PCLO: variants seen among roughly 807,000 people sequenced by gnomAD.
PCLO encodes protein piccolo.
Under a neutral mutation model 427.5 loss-of-function variants are expected in PCLO, and 82 were observed. The ratio of observed to expected loss-of-function variants is 0.19; its 90% CI spans 0.16 to 0.23. The LOEUF is 0.23. PCLO is among the 10% of genes least tolerant of loss of function. The probability of loss-of-function intolerance (pLI) is 1.00; values close to 1 mark genes in which losing one functional copy is unlikely to be tolerated. For missense variants in PCLO, 6,239 were observed against 6,115.9 expected, an observed-to-expected ratio of 1.02 and a Z score of -0.67; for synonymous variants, 2,357 against 2,155.4, an observed-to-expected ratio of 1.09 and a Z score of -2.59.
intron 22 of PCLO, among the ~76,000 whole-genome samples, chr7:82,769,136 A>C (rs2129467794): frequency 6.6e-6 from 1 of 152,292 alleles, no homozygotes; most frequent in Non-Finnish European, 1.5e-5. Context: ...CTTCATGGGA[A>C]TATTCGCTTT....
At chr7:82,788,830 A>G (rs1032960148) in intron 22 of PCLO, among the ~76,000 whole-genome samples, 2 of 151,580 alleles carry the variant, frequency 1.3e-5, no homozygotes, top group African/African-American at 4.9e-5. Context: ...CCATGTTATC[A>G]TGTTTGCCGT....
At chr7:83,063,900 T>G (rs1487317850) in intron 3 of PCLO, among the ~76,000 whole-genome samples, 1 of 152,222 alleles carries the variant, frequency 6.6e-6, no homozygotes, top group Non-Finnish European at 1.5e-5. Context: ...TTTGCACTGA[T>G]AAATATCCTC....
In PCLO at chr7:83,155,439, G is replaced by C; in HGVS notation, c.1202C>G (p.Pro401Arg). Residue 401 changes from proline (P) to arginine (R), a missense_variant, in exon 2 of 25, where the codon CCA becomes CGA. Pro to Arg is a moderately radical substitution (Grantham distance 103). Around this residue, in one of 5 missense-constraint regions of PCLO, gnomAD observed 4,677 missense variants for 4,468.4 expected, o/e 1.05. Transcript: ENST00000333891. The stretch of plus-strand genomic sequence containing the variant: ...CTTTGCTGGCCCTGGCTGTTGAGCT[G>C]GAGTCTTTCCAACTCCAGGAGGCTG... ...LAQPPGVGKT[P>R]AQQPGPAKPP... is the part of the protein sequence containing the mutation. The C allele has an allele frequency of 6.2e-7, 1 of 1,612,764 alleles. No homozygotes were observed. Among genetic ancestry groups the C allele is most frequent in the Non-Finnish European group, 8.5e-7 (1 of 1,179,542 alleles).
chr7:82,941,561 C>A (rs1287605208), intron 6 of PCLO, among the ~76,000 whole-genome samples: 2 of 152,094 alleles, frequency 1.3e-5, no homozygotes, highest in Non-Finnish European at 2.9e-5. Context: ...ATAATGCTTA[C>A]AGAAAACAAG....
intron 3 of PCLO, among the ~76,000 whole-genome samples, chr7:83,049,376 T>C (rs1789179874): frequency 6.6e-6 from 1 of 152,152 alleles, no homozygotes; most frequent in African/African-American, 2.4e-5. Context: ...ATGGCCAATA[T>C]GTTGAGAAAC....
chr7:82,822,084 T>C (rs934685230), intron 20 of PCLO: 9 of 1,021,218 alleles, frequency 8.8e-6, no homozygotes, highest in Non-Finnish European at 1.1e-5. Flanking sequence ...TCTAAATACT[T>C]ATATGTGTGC....
In PCLO at chr7:82,756,027, C is replaced by T. The variant is rs958132239; in HGVS notation, c.*2548G>A. 3.9e-5 allele frequency: 6 copies of T among 152,122 alleles called. No homozygotes were observed. Among genetic ancestry groups the T allele is most frequent in the African/African-American group, 7.2e-5 (3 of 41,438 alleles). 9.4% of individuals were successfully genotyped at this position (152,122 alleles called of 1,614,324 possible). A position where few individuals can be genotyped will look rare whatever the true frequency, so the allele number is the denominator to read the frequency against. Reference sequence around the variant, plus strand: ...GGCTTCTATAATGGAAAGACTCCTACGCTTTCAGGTTAAATAGCTACCAAA... The same window carrying T: ...GGCTTCTATAATGGAAAGACTCCTATGCTTTCAGGTTAAATAGCTACCAAA... On this transcript the variant is annotated 3_prime_UTR_variant, in exon 25 of 25. Coordinates refer to ENST00000333891, the MANE Select transcript of PCLO (RefSeq NM_033026.6).
chr7:82,794,714 T>A (rs1791190074), intron 22 of PCLO, among the ~76,000 whole-genome samples: 1 of 151,764 alleles, frequency 6.6e-6, no homozygotes, highest in Non-Finnish European at 1.5e-5. Context: ...GTTGAAGCAA[T>A]CTGTTCTCCT....
At chr7:82,895,899 G>A (rs1201918322) in intron 9 of PCLO, among the ~76,000 whole-genome samples, 5 of 151,752 alleles carry the variant, frequency 3.3e-5, no homozygotes, top group Admixed American at 6.6e-5. Context: ...TGAATAATAC[G>A]AATTCTTCAC....
chr7:83,023,519 C>A (rs1788397691), intron 3 of PCLO, among the ~76,000 whole-genome samples: 1 of 152,146 alleles, frequency 6.6e-6, no homozygotes, highest in African/African-American at 2.4e-5. Context: ...TCAAATACGA[C>A]ATAACTGAAT....
Position 82,878,005 on chromosome 7 carries a change from T to C in PCLO, c.13654+1332A>G, listed in dbSNP as rs118034595. ...CAACAATATGCTTTTAGTTATTTATTTGGTGATGTGCTGGTAAGCTGGCAT... is the reference window on the plus strand; with the variant it reads ...CAACAATATGCTTTTAGTTATTTATCTGGTGATGTGCTGGTAAGCTGGCAT... On this transcript the variant is annotated intron_variant, in intron 10 of 24. Coordinates refer to ENST00000333891, the MANE Select transcript of PCLO (RefSeq NM_033026.6). Among the ~76,000 whole-genome samples the C allele has an allele frequency of 4.6e-4, 70 of 152,302 alleles. No individual in the cohort carries two copies. In the East Asian group the frequency reaches 0.011, roughly 24 times the overall value.
chr7:83,090,151 A>C (rs1160757845), intron 3 of PCLO, among the ~76,000 whole-genome samples: 2 of 152,016 alleles, frequency 1.3e-5, no homozygotes, highest in Non-Finnish European at 2.9e-5. Context: ...AAAATACAAA[A>C]ATTAGCTGGG....
intron 22 of PCLO, among the ~76,000 whole-genome samples, chr7:82,777,198 G>A (rs1259349770): frequency 1.3e-5 from 2 of 152,020 alleles, no homozygotes; most frequent in African/African-American, 2.4e-5. Flanking sequence ...GCTAACCAGG[G>A]AGGTGAAAGC....
intron 2 of PCLO, among the ~76,000 whole-genome samples, chr7:83,151,034 T>C (rs1792116187): frequency 1.3e-5 from 2 of 152,112 alleles, no homozygotes; most frequent in Admixed American, 6.5e-5. Flanking sequence ...ATCAACCTTA[T>C]CTCCTGTAAC....
At chr7:83,059,381 A>T (rs4466323) in intron 3 of PCLO, among the ~76,000 whole-genome samples, 21,682 of 94,886 alleles carry the variant, frequency 0.23, 2,206 homozygotes, top group African/African-American at 0.37. Context: ...TATATATATA[A>T]AAATGAAAAA....
chr7:82,939,117 T>C (rs997413318), intron 6 of PCLO, among the ~76,000 whole-genome samples: 3 of 152,142 alleles, frequency 2.0e-5, no homozygotes, highest in African/African-American at 7.2e-5. Context: ...CAGACTGTAG[T>C]GATTCTAATG....
chr7:83,012,305 G>A (rs1788100249), intron 3 of PCLO, among the ~76,000 whole-genome samples: 1 of 152,046 alleles, frequency 6.6e-6, no homozygotes, highest in Admixed American at 6.6e-5. Flanking sequence ...GGAGCCTAGA[G>A]TTGACTGATA....
intron 10 of PCLO, among the ~76,000 whole-genome samples, chr7:82,863,606 T>G (rs538788694): frequency 6.6e-6 from 1 of 152,110 alleles, no homozygotes; most frequent in East Asian, 1.9e-4. Context: ...CAATAATTGA[T>G]TTTCCATTGA....
chr7:83,111,462 G>C (rs1017275835), intron 3 of PCLO, among the ~76,000 whole-genome samples: 7 of 152,216 alleles, frequency 4.6e-5, no homozygotes, highest in African/African-American at 1.7e-4. Flanking sequence ...TCCAGTGAGG[G>C]TTTTAGTGTG....
Sources: allele counts gnomAD v4.1 joint callset (sites outside exome capture counted in the v4.1 genomes callset), GRCh38; gene constraint gnomAD v4.1.1; regional missense constraint gnomAD v4.1.1; transcripts MANE v1.5; gene names NCBI Gene and HGNC (gene_info 2026-07-23, HGNC 2026-07-21).